SIM2: variants seen among roughly 807,000 people sequenced by gnomAD.
The protein encoded by SIM2 is SIM bHLH transcription factor 2, also known as single-minded homolog 2.
In SIM2, 28 loss-of-function variants were observed where a neutral mutation model predicts 64.8. The ratio of observed to expected loss-of-function variants is 0.43; its 90% CI spans 0.32 to 0.59. The LOEUF is 0.59. SIM2 is among the 20% of genes least tolerant of loss of function. The probability of loss-of-function intolerance (pLI) is 0.07; values close to 1 mark genes in which losing one functional copy is unlikely to be tolerated. For missense variants in SIM2, 847 were observed against 871.4 expected, an observed-to-expected ratio of 0.97 and a Z score of 0.35; for synonymous variants, 408 against 391.1, an observed-to-expected ratio of 1.04 and a Z score of -0.51.
intron 7 of SIM2, among the ~76,000 whole-genome samples, chr21:36,737,984 CA>C (rs71326699): frequency 1.1e-5 from 1 of 90,242 alleles, no homozygotes; most frequent in African/African-American, 4.7e-5. Flanking sequence ...AAAAAAAAAG[CA>C]AAAAAAAAGC....
intron 7 of SIM2, among the ~76,000 whole-genome samples, chr21:36,736,751 T>TCCTC (rs200622905): frequency 1.1e-4 from 15 of 141,116 alleles, no homozygotes; most frequent in South Asian, 2.3e-4. Context: ...CCCTTTCCTT[T>TCCTC]CCTCCCTCCC....
At chr21:36,739,785 A>T (rs1046989816) in intron 7 of SIM2, among the ~76,000 whole-genome samples, 1 of 152,122 alleles carries the variant, frequency 6.6e-6, no homozygotes, top group South Asian at 2.1e-4. Context: ...AGTTTGCCAT[A>T]ATGGCAAACT....
rs187204411 is a variant in SIM2 at position 36,732,858 on chromosome 21, G to A, written c.850+1707G>A. Among the ~76,000 whole-genome samples, 332 of 152,338 alleles carry A rather than the reference G, an allele frequency of 2.2e-3. 2 individuals are homozygous for A. Among genetic ancestry groups the A allele is most frequent in the Non-Finnish European group, 3.8e-3 (257 of 68,026 alleles). On this transcript the variant is annotated intron_variant, in intron 7 of 10. Transcript: ENST00000290399. ...AGATATCCAGGAGACTTGATCAGGC[G>A]GGTGTGAAGAGCAGAGTGGAGGGGC...
At chr21:36,703,468 C>G (rs868501808) in intron 1 of SIM2, among the ~76,000 whole-genome samples, 1 of 152,160 alleles carries the variant, frequency 6.6e-6, no homozygotes, top group African/African-American at 2.4e-5. Context: ...GCCATTCACC[C>G]CTTCCTGTGA....
chr21:36,730,296 T>C (rs1434310926), intron 6 of SIM2, among the ~76,000 whole-genome samples: 1 of 152,160 alleles, frequency 6.6e-6, no homozygotes, highest in Non-Finnish European at 1.5e-5. Flanking sequence ...TATTCAGTCC[T>C]AAGAAGGAAT....
Position 36,740,109 on chromosome 21 carries a change from A to AT in SIM2, c.851-1593dup, listed in dbSNP as rs1310487729. ...AGCCGGTGTCACCTGTTGGCCTTTC[A>AT]TTTTTTTTTTTTTTTAGATAAAATT... is the stretch of plus-strand genomic sequence containing the variant. On this transcript the variant is annotated intron_variant, in intron 7 of 10. Coordinates refer to ENST00000290399, the MANE Select transcript of SIM2 (RefSeq NM_005069.6). 4.4e-3 allele frequency among the ~76,000 whole-genome samples: 621 copies of AT among 140,454 alleles called. 2 individuals are homozygous for AT. Among genetic ancestry groups the AT allele is most frequent in the Middle Eastern group, 7.2e-3 (2 of 276 alleles). The allele number at this position is 140,454 out of a possible 152,430, so 92.1% of individuals were successfully genotyped here.
intron 7 of SIM2, among the ~76,000 whole-genome samples, chr21:36,733,581 A>C (rs2089001683): frequency 7.1e-6 from 1 of 140,034 alleles, no homozygotes; most frequent in African/African-American, 2.7e-5. Context: ...TTTTTTTCAG[A>C]CAGAGTCTTG....
chr21:36,728,089 C>T (rs952078899), intron 6 of SIM2, among the ~76,000 whole-genome samples: 15 of 152,178 alleles, frequency 9.9e-5, no homozygotes, highest in African/African-American at 2.9e-4. Flanking sequence ...CAGAGGGAGG[C>T]GCTGCAGGGA....
At chr21:36,706,266 C>A (rs2088579867) in intron 1 of SIM2, among the ~76,000 whole-genome samples, 1 of 152,224 alleles carries the variant, frequency 6.6e-6, no homozygotes, top group East Asian at 1.9e-4. Context: ...CCATTTCTCC[C>A]TGGGGGTCCC....
Position 36,745,700 on chromosome 21 carries a change from T to A in SIM2, c.1576+564T>A. 8.1e-7 allele frequency: 1 copy of A among 1,242,198 alleles called. No individual in the cohort carries two copies. The highest frequency in any genetic ancestry group is 1.4e-5 in the South Asian group (1 of 72,042). 76.9% of individuals were successfully genotyped at this position (1,242,198 alleles called of 1,614,324 possible). On this transcript the variant is annotated intron_variant, in intron 10 of 10. Coordinates refer to ENST00000290399, the MANE Select transcript of SIM2 (RefSeq NM_005069.6). The surrounding 1 kb of genome is among the most constrained non-coding windows in gnomAD (Gnocchi z 4.8). Reference sequence around the variant, plus strand: ...TGTAAAATGGGGTGAAGCTGTGATGTGCCTACTCCCAAGGACACGACACAC... The same window carrying A: ...TGTAAAATGGGGTGAAGCTGTGATGAGCCTACTCCCAAGGACACGACACAC...
At chr21:36,711,767 T>C (rs1051440457) in intron 2 of SIM2, among the ~76,000 whole-genome samples, 3 of 152,372 alleles carry the variant, frequency 2.0e-5, no homozygotes, top group African/African-American at 4.8e-5. Flanking sequence ...TTTTCAAAAA[T>C]AATTTAGTCT....
At chr21:36,702,749 G>T (rs2088520319) in intron 1 of SIM2, among the ~76,000 whole-genome samples, 1 of 152,038 alleles carries the variant, frequency 6.6e-6, no homozygotes, top group Non-Finnish European at 1.5e-5. Context: ...CCAGGGTCAG[G>T]GTGGTGGCCC....
intron 3 of SIM2, among the ~76,000 whole-genome samples, chr21:36,719,306 T>C (rs1170428166): frequency 6.6e-6 from 1 of 152,276 alleles, no homozygotes; most frequent in Non-Finnish European, 1.5e-5. Flanking sequence ...TCTGAGTTCA[T>C]GTCCTCCTCG....
chr21:36,704,397 C>A (rs2088549455), intron 1 of SIM2, among the ~76,000 whole-genome samples: 1 of 152,242 alleles, frequency 6.6e-6, no homozygotes, highest in Non-Finnish European at 1.5e-5. Flanking sequence ...AGATTTTTTA[C>A]AACGCTTTCC....
At chr21:36,716,755 A>T (rs2088751800) in intron 3 of SIM2, among the ~76,000 whole-genome samples, 1 of 152,160 alleles carries the variant, frequency 6.6e-6, no homozygotes, top group Non-Finnish European at 1.5e-5. Context: ...AAAGCTATCC[A>T]TTTTGTAGTT....
At position 36,702,942 on chromosome 21, in the gene SIM2, G is replaced by GAAAAA. The variant is rs571164346; in HGVS notation, c.175+3030_175+3034dup. Among the ~76,000 whole-genome samples, 134 of 143,284 alleles carry GAAAAA rather than the reference G, an allele frequency of 9.4e-4. 2 individuals are homozygous for GAAAAA. The highest frequency in any genetic ancestry group is 8.3e-3 in the Admixed American group (119 of 14,394). The allele number at this position is 143,284 out of a possible 152,430, so 94.0% of individuals were successfully genotyped here. On this transcript the variant is annotated intron_variant, in intron 1 of 10. Transcript: ENST00000290399. ...GACCAGCTTAGGACTCTGGGAGGAAGAAAAAAAAAAAAAGAATAGCATAGT... is the reference window on the plus strand; with the variant it reads ...GACCAGCTTAGGACTCTGGGAGGAAGAAAAAAAAAAAAAAAAAAGAATAGCATAGT...
chr21:36,740,214 T>G (rs2089144036), intron 7 of SIM2, among the ~76,000 whole-genome samples: 1 of 151,948 alleles, frequency 6.6e-6, no homozygotes, highest in Admixed American at 6.6e-5. Flanking sequence ...CAGAACGTTT[T>G]CATCATCCCA....
At chr21:36,740,007 GAGAGAAAGAAAGAAAGAAAGAA>G (rs2089136011) in intron 7 of SIM2, among the ~76,000 whole-genome samples, 5 of 105,038 alleles carry the variant, frequency 4.8e-5, no homozygotes, top group Non-Finnish European at 1.1e-4. Flanking sequence ...AAGAAAGAAA[GAGAGAAAGAAAGAAAGAAAGAA>G]AGAAAGAAAG....
intron 7 of SIM2, among the ~76,000 whole-genome samples, chr21:36,736,317 A>G (rs1396873785): frequency 1.3e-5 from 2 of 151,880 alleles, no homozygotes; most frequent in South Asian, 2.1e-4. Context: ...CTTTCCCCAC[A>G]CCGGTAGCCA....
Sources: allele counts gnomAD v4.1 joint callset (sites outside exome capture counted in the v4.1 genomes callset), GRCh38; gene constraint gnomAD v4.1.1; non-coding constraint Gnocchi (gnomAD v3.1); transcripts MANE v1.5; gene names NCBI Gene and HGNC (gene_info 2026-07-23, HGNC 2026-07-21).